The following SGCE variants were observed in gnomAD, a reference collection of about 807,000 sequenced individuals.
The protein encoded by SGCE is sarcoglycan epsilon.
A neutral mutation model predicts 57.8 loss-of-function variants in SGCE; 26 were observed. That is an observed-to-expected ratio of 0.45 (90% CI 0.33 to 0.62). The LOEUF (loss-of-function observed/expected upper bound fraction) is 0.62. Among genes scored for constraint, SGCE ranks in the 20% least tolerant of loss-of-function variants. The probability of loss-of-function intolerance (pLI) is 0.02; values close to 1 mark genes in which losing one functional copy is unlikely to be tolerated. For synonymous variants in SGCE, 183 were observed against 189.5 expected, an observed-to-expected ratio of 0.97 and a Z score of 0.28; for missense variants, 468 against 548.6, an observed-to-expected ratio of 0.85 and a Z score of 1.47.
chr7:94,647,960 A>G (rs1257241082), intron 1 of SGCE, among the ~76,000 whole-genome samples: 3 of 152,180 alleles, frequency 2.0e-5, no homozygotes, highest in Non-Finnish European at 2.9e-5. Flanking sequence ...ATCTTGAAAA[A>G]AACCCTGTTC....
chr7:94,646,063 C>T, intron 1 of SGCE, among the ~76,000 whole-genome samples: 1 of 152,298 alleles, frequency 6.6e-6, no homozygotes, highest in East Asian at 1.9e-4. Context: ...AACTCCACTA[C>T]ACTCGTTGTC....
chr7:94,654,053 A>G (rs1808252712), intron 1 of SGCE, among the ~76,000 whole-genome samples: 2 of 152,122 alleles, frequency 1.3e-5, no homozygotes, highest in Admixed American at 6.5e-5. Flanking sequence ...ATATATGCAT[A>G]GAGAACGTCT....
chr7:94,591,491 G>A (rs1371718415), intron 9 of SGCE, among the ~76,000 whole-genome samples: 2 of 152,102 alleles, frequency 1.3e-5, no homozygotes. Context: ...AATCAAACAG[G>A]ATAAAGAAAA....
At chr7:94,638,218 A>G (rs1458834055) in intron 1 of SGCE, among the ~76,000 whole-genome samples, 1 of 152,230 alleles carries the variant, frequency 6.6e-6, no homozygotes, top group Non-Finnish European at 1.5e-5. Flanking sequence ...ATGAAACTCT[A>G]TGTTTTCTTA....
chr7:94,606,800 A>C (rs542609828), intron 5 of SGCE, among the ~76,000 whole-genome samples: 1 of 152,348 alleles, frequency 6.6e-6, no homozygotes, highest in African/African-American at 2.4e-5. Flanking sequence ...GGAACTCAGT[A>C]TCAAAAGATA....
chr7:94,603,085 G>A (rs1432816104), intron 6 of SGCE, among the ~76,000 whole-genome samples: 1 of 152,092 alleles, frequency 6.6e-6, no homozygotes, highest in Non-Finnish European at 1.5e-5. Flanking sequence ...ATTAATCAAG[G>A]ATAGAATAAG....
chr7:94,630,105 G>A (rs1396758888), intron 1 of SGCE, among the ~76,000 whole-genome samples: 2 of 151,918 alleles, frequency 1.3e-5, no homozygotes, highest in South Asian at 2.1e-4. Context: ...TAATATTTTA[G>A]ACTGTTATCA....
chr7:94,623,763 T>C (rs1331034669), intron 3 of SGCE: 1 of 392,020 alleles, frequency 2.6e-6, no homozygotes, highest in African/African-American at 2.1e-5. Context: ...ATTTTTGTAC[T>C]TTTAAATGGA....
At chr7:94,651,479 G>A (rs912224846) in intron 1 of SGCE, among the ~76,000 whole-genome samples, 3 of 152,134 alleles carry the variant, frequency 2.0e-5, no homozygotes, top group East Asian at 1.9e-4. Context: ...TCTGCCTCCC[G>A]CTCACACAGC....
chr7:94,617,436 T>C (rs2116870636), intron 5 of SGCE: 1 of 152,336 alleles, frequency 6.6e-6, no homozygotes, highest in East Asian at 1.9e-4. Context: ...GTTTTAACAA[T>C]TGTGGAACAC....
chr7:94,648,651 A>G (rs1273707238), intron 1 of SGCE, among the ~76,000 whole-genome samples: 3 of 152,210 alleles, frequency 2.0e-5, no homozygotes, highest in Non-Finnish European at 2.9e-5. Context: ...CCCAGTAACT[A>G]CAGAAAATGA....
intron 5 of SGCE, among the ~76,000 whole-genome samples, chr7:94,609,593 C>T (rs1446833679): frequency 1.3e-5 from 2 of 152,134 alleles, no homozygotes; most frequent in African/African-American, 2.4e-5. Flanking sequence ...AAGTTATACT[C>T]GTGGTAAATA....
chr7:94,591,900 A>T (rs932736258), intron 9 of SGCE, among the ~76,000 whole-genome samples: 5 of 152,220 alleles, frequency 3.3e-5, no homozygotes, highest in Non-Finnish European at 7.3e-5. Flanking sequence ...ACTGAAAAGT[A>T]TCCATAGTGG....
chr7:94,594,988 C>G (rs1798189485), intron 9 of SGCE, among the ~76,000 whole-genome samples: 1 of 152,078 alleles, frequency 6.6e-6, no homozygotes, highest in Admixed American at 6.6e-5. Flanking sequence ...TTGCTTATAA[C>G]CTGAATCAGA....
intron 9 of SGCE, 116 bp from the exon 10 acceptor site, chr7:94,588,848 C>A: frequency 9.2e-7 from 1 of 1,083,108 alleles, no homozygotes; most frequent in Non-Finnish European, 1.4e-6. Flanking sequence ...TCATGTAATC[C>A]AGCACAATTC....
chr7:94,630,218 A>G (rs1036542410), intron 1 of SGCE, among the ~76,000 whole-genome samples: 1 of 151,926 alleles, frequency 6.6e-6, no homozygotes, highest in African/African-American at 2.4e-5. Context: ...TAATTGCTAC[A>G]GATTTTTTTC....
At chr7:94,632,724 C>T (rs780791949) in intron 1 of SGCE, among the ~76,000 whole-genome samples, 5 of 152,072 alleles carry the variant, frequency 3.3e-5, no homozygotes, top group Non-Finnish European at 5.9e-5. Context: ...CTTTCCCTTT[C>T]GCATTTGTTA....
chr7:94,632,568 A>G (rs192894523), intron 1 of SGCE, among the ~76,000 whole-genome samples: 1 of 152,250 alleles, frequency 6.6e-6, no homozygotes, highest in East Asian at 1.9e-4. Flanking sequence ...TGAGAAAAAC[A>G]TGATACAGAT....
chr7:94,652,021 C>A (rs975010640), intron 1 of SGCE, among the ~76,000 whole-genome samples: 1 of 151,754 alleles, frequency 6.6e-6, no homozygotes, highest in Non-Finnish European at 1.5e-5. Flanking sequence ...GAACTGGATT[C>A]CGAAGTTTAG....
Sources: allele counts gnomAD v4.1 joint callset (sites outside exome capture counted in the v4.1 genomes callset), GRCh38; gene constraint gnomAD v4.1.1; transcripts MANE v1.5; gene names NCBI Gene and HGNC (gene_info 2026-07-23, HGNC 2026-07-21).